The following KHDRBS2 variants were observed in gnomAD, a reference collection of about 807,000 sequenced individuals.
The protein encoded by KHDRBS2 is KH domain-containing, RNA-binding, signal transduction-associated protein 2.
In KHDRBS2, 26 loss-of-function variants were observed where a neutral mutation model predicts 44.3. The ratio of observed to expected loss-of-function variants is 0.59; its 90% confidence interval spans 0.43 to 0.81. KHDRBS2 has a LOEUF of 0.81. KHDRBS2 is among the 40% of genes least tolerant of loss of function. KHDRBS2 has a pLI of 0.00. For missense variants in KHDRBS2, 476 were observed against 433.1 expected, an observed-to-expected ratio of 1.10 and a Z score of -0.88; for synonymous variants, 194 against 151.1, an observed-to-expected ratio of 1.28 and a Z score of -2.08.
At chr6:61,951,276 G>A (rs1287607958) in intron 4 of KHDRBS2, among the ~76,000 whole-genome samples, 1 of 151,930 alleles carries the variant, frequency 6.6e-6, no homozygotes, top group Non-Finnish European at 1.5e-5. Context: ...GGCTCCATGT[G>A]CAAAAAGGAA....
chr6:62,010,382 C>G (rs1342926754), intron 3 of KHDRBS2, among the ~76,000 whole-genome samples: 1 of 152,102 alleles, frequency 6.6e-6, no homozygotes, highest in Non-Finnish European at 1.5e-5. Flanking sequence ...AGGGACTTGC[C>G]TTGTCTTGGA....
intron 4 of KHDRBS2, among the ~76,000 whole-genome samples, chr6:61,967,433 GGATAGATT>G (rs753640098): frequency 4.0e-5 from 6 of 151,798 alleles, no homozygotes; most frequent in Non-Finnish European, 8.8e-5. Flanking sequence ...ATAGACAGAT[GGATAGATT>G]GATAGATTGA....
At chr6:62,038,140 CAA>C (rs36027541) in intron 3 of KHDRBS2, among the ~76,000 whole-genome samples, 1 of 151,256 alleles carries the variant, frequency 6.6e-6, no homozygotes, top group Admixed American at 6.6e-5. Context: ...TGTCCTGCTG[CAA>C]AAAAAATCAA....
At chr6:61,993,176 C>G (rs1010661570) in intron 3 of KHDRBS2, among the ~76,000 whole-genome samples, 3 of 152,056 alleles carry the variant, frequency 2.0e-5, no homozygotes, top group Admixed American at 6.6e-5. Context: ...TATAGGCTCC[C>G]CATAATACTT....
chr6:62,037,442 A>G (rs1785518910), intron 3 of KHDRBS2, among the ~76,000 whole-genome samples: 1 of 151,924 alleles, frequency 6.6e-6, no homozygotes, highest in Non-Finnish European at 1.5e-5. Context: ...ATATTCTGAT[A>G]ATTATTTAGC....
At position 62,229,477 on chromosome 6, in the gene KHDRBS2, C is replaced by T. The variant is rs144169461; in HGVS notation, c.92-52165G>A. ...TCCCAGTGTTGGACATTGCCCCTCC[C>T]CCAAGTAGCTCAGATGGTTTAGACA... On this transcript the variant is annotated intron_variant, in intron 1 of 8. Transcript: ENST00000281156. Among the ~76,000 whole-genome samples the T allele has an allele frequency of 4.4e-3, 673 of 152,252 alleles. 9 individuals are homozygous for T. The highest frequency in any genetic ancestry group is 0.015 in the African/African-American group (640 of 41,552).
the KHDRBS2 span, among the ~76,000 whole-genome samples, chr6:61,591,103 A>T: frequency 1.3e-5 from 2 of 152,162 alleles, no homozygotes; most frequent in Non-Finnish European, 2.9e-5. Flanking sequence ...AATCACAACA[A>T]TTGATCACTG....
At chr6:62,181,192 A>G (rs139280099) in intron 1 of KHDRBS2, among the ~76,000 whole-genome samples, 169 of 152,062 alleles carry the variant, frequency 1.1e-3, no homozygotes, top group South Asian at 3.5e-3. Context: ...AAAATAGACA[A>G]GTGGGATTAT....
At chr6:61,772,740 T>C (rs1369339477) in intron 6 of KHDRBS2, among the ~76,000 whole-genome samples, 2 of 152,112 alleles carry the variant, frequency 1.3e-5, no homozygotes, top group Non-Finnish European at 2.9e-5. Context: ...GCTGAACCCA[T>C]TAACTCATCA....
At chr6:61,866,019 G>T (rs958857636) in intron 6 of KHDRBS2, among the ~76,000 whole-genome samples, 1 of 152,184 alleles carries the variant, frequency 6.6e-6, no homozygotes, top group Non-Finnish European at 1.5e-5. Flanking sequence ...GCTTCCAGGT[G>T]CACATTACAA....
At chr6:62,009,377 C>A (rs1157285392) in intron 3 of KHDRBS2, among the ~76,000 whole-genome samples, 1 of 152,092 alleles carries the variant, frequency 6.6e-6, no homozygotes, top group Non-Finnish European at 1.5e-5. Flanking sequence ...TAAAGGCATT[C>A]AATTTCAAAA....
intron 2 of KHDRBS2, among the ~76,000 whole-genome samples, chr6:62,152,806 A>T (rs1368979849): frequency 1.3e-5 from 2 of 152,176 alleles, no homozygotes; most frequent in African/African-American, 4.8e-5. Flanking sequence ...CACTATCCTC[A>T]GGAGTGACTG....
chr6:62,031,987 CA>C (rs1346247316), intron 3 of KHDRBS2, among the ~76,000 whole-genome samples: 1 of 152,064 alleles, frequency 6.6e-6, no homozygotes, highest in East Asian at 1.9e-4. Flanking sequence ...GTGGTAGCCA[CA>C]GGGGTGCTTG....
At chr6:62,225,149 C>T (rs1254388849) in intron 1 of KHDRBS2, among the ~76,000 whole-genome samples, 1 of 152,118 alleles carries the variant, frequency 6.6e-6, no homozygotes, top group African/African-American at 2.4e-5. Context: ...AGCAGCTCCC[C>T]ATATAAATAA....
the KHDRBS2 span, among the ~76,000 whole-genome samples, chr6:61,568,021 AGAGAG>A: frequency 4.2e-4 from 64 of 152,236 alleles, no homozygotes; most frequent in South Asian, 4.1e-4. Flanking sequence ...TTGTATATAT[AGAGAG>A]ATACAGGTCC....
chr6:61,614,010 C>T, the KHDRBS2 span, among the ~76,000 whole-genome samples: 1 of 152,138 alleles, frequency 6.6e-6, no homozygotes, highest in Non-Finnish European at 1.5e-5. Context: ...TGATTCAAGT[C>T]AAAAGTATTT....
chr6:61,918,316 ATACAT>A (rs1242791487), intron 4 of KHDRBS2, among the ~76,000 whole-genome samples: 1 of 151,926 alleles, frequency 6.6e-6, no homozygotes, highest in African/African-American at 2.4e-5. Context: ...ATTACTCTGC[ATACAT>A]TATAAGGGAC....
At chr6:62,141,465 T>C (rs186418817) in intron 2 of KHDRBS2, among the ~76,000 whole-genome samples, 2 of 152,234 alleles carry the variant, frequency 1.3e-5, no homozygotes, top group African/African-American at 2.4e-5. Context: ...AGGAAGGAGA[T>C]GCCCTTGGGT....
chr6:61,546,159 C>T, the KHDRBS2 span, among the ~76,000 whole-genome samples: 36 of 151,898 alleles, frequency 2.4e-4, no homozygotes, highest in Non-Finnish European at 5.2e-4. Context: ...TTGCCAATGA[C>T]AAGTTTTCTG....
Sources: gnomAD v4.1 joint callset for allele counts (sites outside exome capture counted in the v4.1 genomes callset) on GRCh38, gnomAD v4.1.1 for gene constraint, MANE v1.5 for transcripts, NCBI Gene and HGNC (gene_info 2026-07-23, HGNC 2026-07-21) for gene names.